Variants in ANKRD27 observed in about 807,000 individuals in gnomAD.
ANKRD27 encodes the protein ankyrin repeat domain-containing protein 27.
In ANKRD27, 112 loss-of-function variants were observed where a neutral mutation model predicts 129.7. The ratio of observed to expected loss-of-function variants is 0.86; its 90% CI spans 0.74 to 1.01. The LOEUF is 1.01. ANKRD27 is among the 50% of genes least tolerant of loss of function. The pLI is 0.00. For missense variants in ANKRD27, 1,258 were observed against 1,300.5 expected (o/e 0.97, Z 0.50); for synonymous variants, 516 against 511.2 (o/e 1.01, Z -0.13).
At chr19:32,659,353 A>T (rs1967604961) in intron 1 of ANKRD27, among the ~76,000 whole-genome samples, 1 of 152,056 alleles carries the variant, frequency 6.6e-6, no homozygotes, top group Admixed American at 6.6e-5. Flanking sequence ...AAGTGCTGGG[A>T]TTACAGGCAT....
At chr19:32,622,683 C>G (rs375139494) in intron 17 of ANKRD27, 64 bp from the exon 18 acceptor site, 8 of 1,476,486 alleles carry the variant, frequency 5.4e-6, no homozygotes, top group African/African-American at 4.1e-5. Context: ...GGTCCGTGCT[C>G]TCCTCGACCT....
intron 16 of ANKRD27, among the ~76,000 whole-genome samples, chr19:32,626,219 G>C (rs1414372768): frequency 6.6e-6 from 1 of 152,194 alleles, no homozygotes; most frequent in Non-Finnish European, 1.5e-5. Context: ...CCAGGCTGAA[G>C]TGCAGTGGCA....
In ANKRD27 at chr19:32,622,623, CAA is replaced by C. The variant is rs1368601365; in HGVS notation, c.1630-6_1630-5del. On this transcript the variant is annotated splice_region_variant and splice_polypyrimidine_tract_variant and intron_variant, in intron 17 of 28. Coordinates refer to ENST00000306065, the MANE Select transcript of ANKRD27 (RefSeq NM_032139.3). ...AGTAAACCAGAGCCTTCACACACTGCAAAGAGATGGGGAAATGGCATCGCTCA... is the reference window on the plus strand; with the variant it reads ...AGTAAACCAGAGCCTTCACACACTGCAGAGATGGGGAAATGGCATCGCTCA... 5.0e-6 allele frequency: 8 copies of C among 1,613,140 alleles called. No individual in the cohort carries two copies. Among genetic ancestry groups the C allele is most frequent in the East Asian group, 2.2e-5 (1 of 44,880 alleles).
intron 22 of ANKRD27, among the ~76,000 whole-genome samples, chr19:32,610,288 G>A (rs1224029477): frequency 6.6e-5 from 10 of 151,414 alleles, no homozygotes; most frequent in South Asian, 2.1e-4. Flanking sequence ...CCAGCCTGGC[G>A]ACAGAGCAAG....
At chr19:32,665,070 T>A (rs1967724917) in intron 1 of ANKRD27, among the ~76,000 whole-genome samples, 1 of 152,112 alleles carries the variant, frequency 6.6e-6, no homozygotes, top group African/African-American at 2.4e-5. Context: ...TAGCAGCTAT[T>A]ACACTGGACA....
chr19:32,656,103 GAAAGAAAAGAAAAGAAAAGA>G lies in ANKRD27; in HGVS notation c.102+2791_102+2810del, dbSNP rs535574771. Among the ~76,000 whole-genome samples the G allele has an allele frequency of 5.1e-3, 633 of 123,488 alleles. 5 individuals carry two copies. The highest frequency in any genetic ancestry group is 0.02 in the African/African-American group (580 of 29,374). The allele number at this position is 123,488 out of a possible 152,430, so 81.0% of individuals were successfully genotyped here. On this transcript the variant is annotated intron_variant, in intron 2 of 28. Transcript: ENST00000306065. Reference sequence around the variant, plus strand: ...AGAAAGAAAGAAAGAAAGAAAGAAAGAAAGAAAAGAAAAGAAAAGAAAAGAAAAGAAAAGAAAAAGAAAAG... The same window carrying G: ...AGAAAGAAAGAAAGAAAGAAAGAAAGAAAGAAAAGAAAAGAAAAAGAAAAG...
chr19:32,628,679 T>G (rs778118634), intron 14 of ANKRD27, 43 bp downstream of exon 14: 1 of 1,611,430 alleles, frequency 6.2e-7, no homozygotes, highest in Non-Finnish European at 8.5e-7. Flanking sequence ...GAGGCCTGTC[T>G]CCTGCTTCCT....
At chr19:32,604,470 A>C in intron 24 of ANKRD27, 46 bp from the exon 25 acceptor site, 2 of 1,549,396 alleles carry the variant, frequency 1.3e-6, no homozygotes, top group Non-Finnish European at 1.8e-6. Context: ...ACGAAACGTC[A>C]GCATGGAATC....
intron 14 of ANKRD27, among the ~76,000 whole-genome samples, chr19:32,628,509 C>T (rs554116137): frequency 1.3e-5 from 2 of 152,348 alleles, no homozygotes; most frequent in East Asian, 3.9e-4. Flanking sequence ...CCTACCCTGG[C>T]AGCCAGCCCG....
At chr19:32,638,989 T>C in intron 12 of ANKRD27, 1 of 366,986 alleles carries the variant, frequency 2.7e-6, no homozygotes, top group Non-Finnish European at 4.8e-6. Context: ...GCCACAGAGG[T>C]TTCCGGCTGG....
chr19:32,611,445 C>G (rs1971834112), intron 22 of ANKRD27, among the ~76,000 whole-genome samples: 1 of 152,204 alleles, frequency 6.6e-6, no homozygotes, highest in African/African-American at 2.4e-5. Context: ...TACCTCACAG[C>G]TGAAAAATGT....
intron 12 of ANKRD27, chr19:32,637,745 C>A (rs559284093): frequency 6.6e-6 from 1 of 152,390 alleles, no homozygotes; most frequent in Admixed American, 6.5e-5. Context: ...CAGGAAGCAT[C>A]CCTGCCGCCG....
chr19:32,651,098 A>C (rs1195748243), intron 2 of ANKRD27, among the ~76,000 whole-genome samples: 1 of 152,144 alleles, frequency 6.6e-6, no homozygotes, highest in South Asian at 2.1e-4. Context: ...ATTTTAATAA[A>C]AAATTAAAAT....
intron 12 of ANKRD27, among the ~76,000 whole-genome samples, chr19:32,634,902 G>A (rs578020936): frequency 1.4e-4 from 21 of 152,184 alleles, no homozygotes; most frequent in Admixed American, 1.2e-3. Context: ...GTGACAGAGC[G>A]AGACTCAGTC....
chr19:32,669,286 T>A (rs1049620406), intron 1 of ANKRD27, among the ~76,000 whole-genome samples: 3 of 152,118 alleles, frequency 2.0e-5, no homozygotes, highest in African/African-American at 7.2e-5. Context: ...GAGACTAACA[T>A]AAAAATGGTC....
intron 18 of ANKRD27, among the ~76,000 whole-genome samples, chr19:32,622,158 A>G (rs1489334516): frequency 6.6e-6 from 1 of 152,144 alleles, no homozygotes; most frequent in African/African-American, 2.4e-5. Context: ...TCCATTTGCC[A>G]ATAAATCAAT....
intron 22 of ANKRD27, among the ~76,000 whole-genome samples, chr19:32,610,624 T>A (rs187735855): frequency 6.6e-6 from 1 of 151,582 alleles, no homozygotes; most frequent in Non-Finnish European, 1.5e-5. Flanking sequence ...AAACCCTGTC[T>A]CTACTAAAAA....
At position 32,602,587 on chromosome 19, in the gene ANKRD27, T is replaced by C. The variant is rs191286491; in HGVS notation, c.2656-461A>G. ...TAGCCTGGGCAACATAGCAAGGCCC[T>C]GTCTCTATTTAAAAATAATAAAAGG... On this transcript the variant is annotated intron_variant, in intron 25 of 28. Coordinates refer to ENST00000306065, the MANE Select transcript of ANKRD27 (RefSeq NM_032139.3). Among the ~76,000 whole-genome samples the C allele has an allele frequency of 2.9e-3, 442 of 152,146 alleles. 2 individuals are homozygous for C. The highest frequency in any genetic ancestry group is 5.2e-3 in the South Asian group (25 of 4,814).
At chr19:32,623,105 C>G (rs59392054) in intron 17 of ANKRD27, among the ~76,000 whole-genome samples, 1 of 152,030 alleles carries the variant, frequency 6.6e-6, no homozygotes, top group Non-Finnish European at 1.5e-5. Flanking sequence ...ACACCTCATG[C>G]TTTCAAAAGG....
Sources: allele counts gnomAD v4.1 joint callset (sites outside exome capture counted in the v4.1 genomes callset), GRCh38; gene constraint gnomAD v4.1.1; transcripts MANE v1.5; gene names NCBI Gene and HGNC (gene_info 2026-07-23, HGNC 2026-07-21).